The following ATXN7L1 variants were observed in gnomAD, a reference collection of about 807,000 sequenced individuals.
The protein encoded by ATXN7L1 is ataxin-7-like protein 1.
ATXN7L1 carries 15 observed loss-of-function variants against 70.8 expected under a neutral mutation model. The ratio of observed to expected loss-of-function variants is 0.21; its 90% confidence interval spans 0.14 to 0.33. The LOEUF is 0.33. Among genes scored for constraint, ATXN7L1 ranks in the 10% least tolerant of loss-of-function variants. The pLI is 1.00. For synonymous variants in ATXN7L1, 440 were observed against 445.1 expected (o/e 0.99, Z 0.14); for missense variants, 975 against 1,097.1 (o/e 0.89, Z 1.57).
At chr7:105,791,363 G>A (rs1051338677) in intron 2 of ATXN7L1, among the ~76,000 whole-genome samples, 2 of 152,182 alleles carry the variant, frequency 1.3e-5, no homozygotes, top group Admixed American at 6.5e-5. Flanking sequence ...GGAGGGGAGC[G>A]TTATTAGTCA....
chr7:105,783,904 G>A (rs1376205956), intron 3 of ATXN7L1, among the ~76,000 whole-genome samples: 2 of 152,154 alleles, frequency 1.3e-5, no homozygotes, highest in African/African-American at 4.8e-5. Flanking sequence ...TGGGGACACA[G>A]TTTTGTGGGA....
At chr7:105,740,786 A>ATTTTTTTTTTTTTTTTTT (rs1481143764) in intron 3 of ATXN7L1, among the ~76,000 whole-genome samples, 1 of 40,688 alleles carries the variant, frequency 2.5e-5, no homozygotes, top group African/African-American at 2.6e-4. Context: ...TTTTTTTTTA[A>ATTTTTTTTTTTTTTTTTT]TGGAGTCTCA....
At chr7:105,639,085 T>G (rs111768691) in intron 6 of ATXN7L1, among the ~76,000 whole-genome samples, 2 of 152,060 alleles carry the variant, frequency 1.3e-5, no homozygotes, top group African/African-American at 4.8e-5. Context: ...GCCACCCCGG[T>G]GTGGCTGGAT....
At chr7:105,807,850 C>T (rs535179630) in intron 2 of ATXN7L1, among the ~76,000 whole-genome samples, 1 of 152,362 alleles carries the variant, frequency 6.6e-6, no homozygotes, top group East Asian at 1.9e-4. Context: ...AGAAGAAACA[C>T]CCAGAAGACC....
chr7:105,792,899 T>C (rs1437290028), intron 2 of ATXN7L1, among the ~76,000 whole-genome samples: 1 of 152,234 alleles, frequency 6.6e-6, no homozygotes, highest in Non-Finnish European at 1.5e-5. Flanking sequence ...CATATTAATA[T>C]ATATCTCTCC....
At chr7:105,864,291 A>T (rs1056362148) in intron 2 of ATXN7L1, among the ~76,000 whole-genome samples, 3 of 136,092 alleles carry the variant, frequency 2.2e-5, no homozygotes, top group African/African-American at 8.5e-5. Context: ...CCTTGTCTCT[A>T]CTAAAAGTCA....
intron 3 of ATXN7L1, among the ~76,000 whole-genome samples, chr7:105,759,959 C>T (rs1665576413): frequency 1.3e-5 from 2 of 152,136 alleles, no homozygotes; most frequent in Admixed American, 1.3e-4. Context: ...GAGGAATCAG[C>T]TGGAGGTCAC....
chr7:105,703,700 T>G (rs774782719), intron 3 of ATXN7L1, among the ~76,000 whole-genome samples: 3 of 152,218 alleles, frequency 2.0e-5, no homozygotes, highest in Non-Finnish European at 2.9e-5. Flanking sequence ...GATGGTGCTC[T>G]GGGCTGCCCT....
intron 2 of ATXN7L1, among the ~76,000 whole-genome samples, chr7:105,833,990 T>C (rs1812008314): frequency 6.6e-6 from 1 of 152,236 alleles, no homozygotes; most frequent in African/African-American, 2.4e-5. Flanking sequence ...TTCAACATGG[T>C]TTACTGAATA....
intron 10 of ATXN7L1, among the ~76,000 whole-genome samples, chr7:105,612,703 C>T (rs1468113704): frequency 6.6e-6 from 1 of 152,224 alleles, no homozygotes; most frequent in Non-Finnish European, 1.5e-5. Flanking sequence ...TCACCTTGGC[C>T]TCGGTTTGCA....
Position 105,624,148 on chromosome 7 carries a change from C to T in ATXN7L1, c.1322G>A (p.Gly441Glu). 6.5e-7 allele frequency: 1 copy of T among 1,535,784 alleles called. No homozygotes were observed. Reference protein sequence around the residue: ...DLASRLSSDEGEMDGADESEK... With the variant: ...DLASRLSSDEEEMDGADESEK... ...GGATTCGTCGGCTCCGTCCATCTCC[C>T]CTTCATCACTGGACAGTCGGCTGGC... The change falls in exon 8 of 12, where the codon GGG becomes GAG. Residue 441 changes from glycine to glutamate, a missense_variant. Gly to Glu is a moderately conservative substitution (Grantham distance 98). Coordinates refer to ENST00000419735, the MANE Select transcript of ATXN7L1 (RefSeq NM_020725.2).
At chr7:105,811,231 G>A (rs1808382067) in intron 2 of ATXN7L1, among the ~76,000 whole-genome samples, 2 of 152,188 alleles carry the variant, frequency 1.3e-5, no homozygotes, top group African/African-American at 4.8e-5. Flanking sequence ...TGGAGATGAT[G>A]TGAAGGTGGA....
At chr7:105,633,704 G>C (rs1796946771) in intron 7 of ATXN7L1, among the ~76,000 whole-genome samples, 2 of 152,076 alleles carry the variant, frequency 1.3e-5, no homozygotes, top group African/African-American at 4.8e-5. Context: ...TGGGTGACAG[G>C]GGGGAGACTC....
chr7:105,824,217 T>A (rs1810542289), intron 2 of ATXN7L1, among the ~76,000 whole-genome samples: 1 of 152,202 alleles, frequency 6.6e-6, no homozygotes, highest in South Asian at 2.1e-4. Context: ...AAAGAAATGA[T>A]GAGTTCGCAA....
At chr7:105,651,412 G>A (rs1378300585) in intron 4 of ATXN7L1, among the ~76,000 whole-genome samples, 1 of 152,202 alleles carries the variant, frequency 6.6e-6, no homozygotes, top group East Asian at 1.9e-4. Flanking sequence ...CTCATCCACC[G>A]ATACTTGAAA....
chr7:105,819,460 AAAGAGTGTCCTTTCCC>A, intron 2 of ATXN7L1: 3 of 683,068 alleles, frequency 4.4e-6, no homozygotes, highest in African/African-American at 1.8e-5. Context: ...AAAAAAAAAA[AAAGAGTGTCCTTTCCC>A]AGGGGGCTGC....
chr7:105,773,794 C>T (rs866525511), intron 3 of ATXN7L1, among the ~76,000 whole-genome samples: 10 of 152,096 alleles, frequency 6.6e-5, no homozygotes, highest in African/African-American at 1.9e-4. Context: ...AAGGATGGAA[C>T]GCAGGATCGT....
At chr7:105,841,338 A>C (rs1813180093) in intron 2 of ATXN7L1, among the ~76,000 whole-genome samples, 1 of 152,230 alleles carries the variant, frequency 6.6e-6, no homozygotes, top group Admixed American at 6.5e-5. Flanking sequence ...TCTCCAGCTG[A>C]AAAGTGGAAC....
At chr7:105,866,089 C>T (rs1464058036) in intron 2 of ATXN7L1, among the ~76,000 whole-genome samples, 1 of 152,170 alleles carries the variant, frequency 6.6e-6, no homozygotes. Context: ...ACTGGGTGTC[C>T]TGTGTCCCCA....
Sources: allele counts gnomAD v4.1 joint callset (sites outside exome capture counted in the v4.1 genomes callset), GRCh38; gene constraint gnomAD v4.1.1; transcripts MANE v1.5; gene names NCBI Gene and HGNC (gene_info 2026-07-23, HGNC 2026-07-21).